Variants in SLAIN1 observed in about 807,000 individuals in gnomAD.
SLAIN1 encodes SLAIN motif-containing protein 1.
SLAIN1 carries 17 observed loss-of-function variants against 55.4 expected under a neutral mutation model. That is an observed-to-expected ratio of 0.31 (90% confidence interval 0.21 to 0.46). The LOEUF (loss-of-function observed/expected upper bound fraction) is 0.46. Among genes scored for constraint, SLAIN1 ranks in the 20% least tolerant of loss-of-function variants. The pLI is 1.00. For synonymous variants in SLAIN1, 348 were observed against 337.4 expected (o/e 1.03, Z -0.35); for missense variants, 682 against 785.1 (o/e 0.87, Z 1.57).
At chr13:77,719,258 TAA>T (rs11432686) in intron 1 of SLAIN1, among the ~76,000 whole-genome samples, 62 of 139,678 alleles carry the variant, frequency 4.4e-4, no homozygotes, top group Non-Finnish European at 5.2e-4. Context: ...CTAGTTTAGT[TAA>T]AAAAAAAAAA....
At position 77,698,831 on chromosome 13, in the gene SLAIN1, C is replaced by T. The variant is rs964642456; in HGVS notation, c.626+292C>T. ...TATTTGCTGATTGTTGGGTCCCAAG[C>T]TCCTCGTTAGCATTAAGTGCAAAAT... On this transcript the variant is annotated intron_variant, in intron 1 of 6. Transcript: ENST00000418532. This position sits in a 1 kb window ranked among gnomAD's most constrained non-coding sequence, Gnocchi z 4.1. 3.4e-6 allele frequency: 5 copies of T among 1,467,028 alleles called. No individual in the cohort carries two copies. The highest frequency in any genetic ancestry group is 4.5e-6 in the Non-Finnish European group (5 of 1,103,808). 90.9% of individuals were successfully genotyped at this position (1,467,028 alleles called of 1,614,324 possible). A position where few individuals can be genotyped will look rare whatever the true frequency, so the allele number is the denominator to read the frequency against.
Position 77,707,584 on chromosome 13 carries a change from A to G in SLAIN1, c.626+9045A>G, listed in dbSNP as rs1144370. On this transcript the variant is annotated intron_variant, in intron 1 of 6. Transcript: ENST00000418532. ...GAAGCCGATCTAAAGCTCTTAATGG[A>G]TGGAGCTCCTTGGTGCAGTTTACTA... is the stretch of plus-strand genomic sequence containing the variant. 8.5e-3 allele frequency among the ~76,000 whole-genome samples: 1,298 copies of G among 152,160 alleles called. 19 individuals carry two copies. The highest frequency in any genetic ancestry group is 0.029 in the African/African-American group (1,222 of 41,494).
In SLAIN1 at chr13:77,729,320, C is replaced by T. The variant is rs1456910525; in HGVS notation, c.766+9649C>T. Among the ~76,000 whole-genome samples, 6 of 151,280 alleles carry T rather than the reference C, an allele frequency of 4.0e-5. No homozygotes were observed. The South Asian group carries it at 6.3e-4, about 16-fold the overall frequency. On this transcript the variant is annotated intron_variant, in intron 2 of 6. Coordinates refer to ENST00000418532, the MANE Select transcript of SLAIN1 (RefSeq NM_001242868.2). ...TTCACTTTGCATTTCTACCATGATT[C>T]GAAAAGTGTTTTTCAAAATAAACAA...
chr13:77,733,707 T>C (rs1233015550), intron 2 of SLAIN1, among the ~76,000 whole-genome samples: 1 of 152,200 alleles, frequency 6.6e-6, no homozygotes, highest in African/African-American at 2.4e-5. Context: ...TACATTACAG[T>C]TGAATTCTCT....
chr13:77,705,791 A>G (rs2091083646), intron 1 of SLAIN1, among the ~76,000 whole-genome samples: 1 of 151,888 alleles, frequency 6.6e-6, no homozygotes, highest in Non-Finnish European at 1.5e-5. Context: ...AGAATAACTG[A>G]GACTTTTTTT....
chr13:77,747,580 C>T (rs1272384829), intron 4 of SLAIN1, among the ~76,000 whole-genome samples: 1 of 152,148 alleles, frequency 6.6e-6, no homozygotes, highest in African/African-American at 2.4e-5. Flanking sequence ...CTGTTCCTAG[C>T]ACAGAGTGAG....
At chr13:77,720,362 A>C (rs9600917) in intron 2 of SLAIN1, among the ~76,000 whole-genome samples, 31,048 of 151,884 alleles carry the variant, frequency 0.2, 3,413 homozygotes, top group Admixed American at 0.25. Context: ...CCTGCATCCA[A>C]ATCATACATG....
At position 77,763,134 on chromosome 13, in the gene SLAIN1, T is replaced by C; in HGVS notation, c.1698-11T>C. 2 of 1,611,520 alleles carry C rather than the reference T, an allele frequency of 1.2e-6. No homozygotes were observed. The highest frequency in any genetic ancestry group is 1.7e-6 in the Non-Finnish European group (2 of 1,177,748). On this transcript the variant is annotated splice_polypyrimidine_tract_variant and intron_variant, in intron 6 of 6. Transcript: ENST00000418532. ...ACAATCTCTCTCTCTGTTTTTCTTG[T>C]CTCTTTTTAGTTTTCTTCAGCCTCC...
intron 5 of SLAIN1, among the ~76,000 whole-genome samples, chr13:77,758,453 G>A (rs1395958131): frequency 1.3e-5 from 2 of 151,888 alleles, no homozygotes; most frequent in African/African-American, 4.8e-5. Context: ...ATTTATTTTT[G>A]TTTGAGTTGC....
chr13:77,746,999 T>C, intron 4 of SLAIN1, 144 bp downstream of exon 4: 1 of 700,660 alleles, frequency 1.4e-6, no homozygotes, highest in Admixed American at 2.9e-5. Context: ...CGATCTCAGC[T>C]CACTGCAACC....
intron 3 of SLAIN1, among the ~76,000 whole-genome samples, chr13:77,746,122 C>A (rs1011046333): frequency 5.9e-5 from 9 of 151,978 alleles, no homozygotes; most frequent in Non-Finnish European, 2.9e-5. Flanking sequence ...CCTACTTGGG[C>A]AGAGATTTGA....
At chr13:77,752,960 T>A (rs1874342426) in intron 4 of SLAIN1, among the ~76,000 whole-genome samples, 1 of 152,140 alleles carries the variant, frequency 6.6e-6, no homozygotes, top group African/African-American at 2.4e-5. Flanking sequence ...GAGCAATGCT[T>A]TACATCCTTC....
chr13:77,711,091 G>A (rs2091144400), intron 1 of SLAIN1, among the ~76,000 whole-genome samples: 1 of 152,112 alleles, frequency 6.6e-6, no homozygotes, highest in African/African-American at 2.4e-5. Context: ...GTGTTCAGAG[G>A]GAAATTTATA....
At chr13:77,699,186 G>A (rs926787100) in intron 1 of SLAIN1, 3 of 791,910 alleles carry the variant, frequency 3.8e-6, no homozygotes, top group Non-Finnish European at 5.8e-6. Flanking sequence ...CATAAATAGT[G>A]CCAATAAAGA....
At chr13:77,724,378 A>G (rs2091289195) in intron 2 of SLAIN1, among the ~76,000 whole-genome samples, 1 of 152,206 alleles carries the variant, frequency 6.6e-6, no homozygotes, top group South Asian at 2.1e-4. Flanking sequence ...CTGTAAGGCC[A>G]TAGAACAGAG....
intron 4 of SLAIN1, among the ~76,000 whole-genome samples, chr13:77,752,066 C>T (rs1874253936): frequency 6.6e-6 from 1 of 151,970 alleles, no homozygotes; most frequent in Non-Finnish European, 1.5e-5. Flanking sequence ...AGAAGATGAA[C>T]TTAGCAAGGC....
At chr13:77,714,219 ACTC>A (rs1292021675) in intron 1 of SLAIN1, among the ~76,000 whole-genome samples, 2 of 151,562 alleles carry the variant, frequency 1.3e-5, no homozygotes, top group Non-Finnish European at 2.9e-5. Context: ...AGATAAGGAA[ACTC>A]CACAGTTGAC....
At chr13:77,725,523 G>A (rs552769439) in intron 2 of SLAIN1, among the ~76,000 whole-genome samples, 12 of 152,282 alleles carry the variant, frequency 7.9e-5, no homozygotes, top group Non-Finnish European at 1.3e-4. Context: ...TGAGCCTGGA[G>A]CTTCAGATGA....
chr13:77,738,196 C>CCACA (rs1184701501), intron 2 of SLAIN1, among the ~76,000 whole-genome samples: 2 of 147,090 alleles, frequency 1.4e-5, no homozygotes, highest in African/African-American at 5.0e-5. Flanking sequence ...ACACACACAC[C>CCACA]CACACACACA....
Sources: allele counts gnomAD v4.1 joint callset (sites outside exome capture counted in the v4.1 genomes callset), GRCh38; gene constraint gnomAD v4.1.1; non-coding constraint Gnocchi (gnomAD v3.1); transcripts MANE v1.5; gene names NCBI Gene and HGNC (gene_info 2026-07-23, HGNC 2026-07-21).